Variants in UCK2 observed in about 807,000 individuals in gnomAD.
The protein encoded by UCK2 is uridine-cytidine kinase 2, also known as cytidine monophosphokinase 2.
UCK2 carries 6 observed loss-of-function variants against 30.8 expected under a neutral mutation model. The observed-to-expected ratio is 0.19, with a 90% CI of 0.11 to 0.38. The LOEUF (loss-of-function observed/expected upper bound fraction) is 0.38, where lower values mean the gene tolerates loss of function less well. UCK2 is among the 10% of genes least tolerant of loss of function. The probability of loss-of-function intolerance (pLI) is 1.00; values close to 1 mark genes in which losing one functional copy is unlikely to be tolerated. For missense variants in UCK2, 210 were observed against 339.8 expected, an observed-to-expected ratio of 0.62 and a Z score of 3.00; for synonymous variants, 125 against 133.6, an observed-to-expected ratio of 0.94 and a Z score of 0.45.
intron 4 of UCK2, chr1:165,902,825 G>C (rs745972573): frequency 1.2e-4 from 22 of 178,202 alleles, no homozygotes; most frequent in Non-Finnish European, 2.7e-4. Context: ...GGCCCAGATT[G>C]CTTCTTGTTA....
rs554501076 is a variant in UCK2, at chr1:165,864,741, A to G, written c.100-25463A>G. On this transcript the variant is annotated intron_variant, in intron 1 of 6. Coordinates refer to ENST00000367879, the MANE Select transcript of UCK2 (RefSeq NM_012474.5). ...TTCACTCAGGCTGGAGTTCATTGGCATGATCATAGCTCACTGCAGCCCCGA... is the reference window on the plus strand; with the variant it reads ...TTCACTCAGGCTGGAGTTCATTGGCGTGATCATAGCTCACTGCAGCCCCGA... Among the ~76,000 whole-genome samples, 50 of 152,246 alleles carry G rather than the reference A, an allele frequency of 3.3e-4. 1 individual carries two copies. The highest frequency in any genetic ancestry group is 3.4e-3 in the Middle Eastern group (1 of 294).
rs145574933 is a variant in UCK2 at position 165,903,675 on chromosome 1, C to A, written c.597+396C>A. The stretch of plus-strand genomic sequence containing the variant: ...GGGTGACGTATGGATGCACTGGGTG[C>A]TGTGCCCCGAGATGTTCCCCTCTGA... On this transcript the variant is annotated intron_variant, in intron 5 of 6. Transcript: ENST00000367879. 3.1e-3 allele frequency among the ~76,000 whole-genome samples: 467 copies of A among 152,322 alleles called. 11 individuals carry two copies. Among genetic ancestry groups the A allele is most frequent in the Admixed American group, 0.027 (410 of 15,306 alleles).
intron 6 of UCK2, among the ~76,000 whole-genome samples, chr1:165,906,741 T>C (rs796976922): frequency 2.2e-4 from 34 of 152,300 alleles, no homozygotes; most frequent in African/African-American, 7.5e-4. Flanking sequence ...TGTGGCAGAG[T>C]TGATCTGTAA....
chr1:165,907,906 C>G lies in UCK2; in HGVS notation c.*83C>G, dbSNP rs781479282. On this transcript the variant is annotated 3_prime_UTR_variant, in exon 7 of 7. Coordinates refer to ENST00000367879, the MANE Select transcript of UCK2 (RefSeq NM_012474.5). ...CACTGCTCATCTGTACATACTGTTT[C>G]CTATGACATTACTGTATTTAAGAAA... 16 of 1,496,202 alleles carry G rather than the reference C, an allele frequency of 1.1e-5. No individual in the cohort carries two copies. The South Asian group carries it at 2.0e-4, about 19-fold the overall frequency. The allele number at this position is 1,496,202 out of a possible 1,614,324, so 92.7% of individuals were successfully genotyped here.
intron 1 of UCK2, among the ~76,000 whole-genome samples, chr1:165,832,528 C>G (rs768926774): frequency 2.6e-5 from 4 of 152,116 alleles, no homozygotes; most frequent in Non-Finnish European, 5.9e-5. Context: ...ATGTGTCTTC[C>G]CTACTGGTAG....
chr1:165,878,177 T>A (rs1655387663), intron 1 of UCK2, among the ~76,000 whole-genome samples: 1 of 152,166 alleles, frequency 6.6e-6, no homozygotes, highest in Admixed American at 6.5e-5. Flanking sequence ...CCACTGATCT[T>A]TTTGTTGTCC....
chr1:165,893,034 A>G lies in UCK2; in HGVS notation c.356+1712A>G, dbSNP rs115493931. ...GCAATAGGGAGCTACAGACGGGTCT[A>G]TTGTTGTAGTGGAAAGGTCATTGTG... On this transcript the variant is annotated intron_variant, in intron 3 of 6. Transcript: ENST00000367879. Among the ~76,000 whole-genome samples the G allele has an allele frequency of 4.9e-3, 742 of 152,260 alleles. 7 individuals carry two copies. The highest frequency in any genetic ancestry group is 0.017 in the African/African-American group (701 of 41,552).
At chr1:165,879,168 T>C (rs1171493374) in intron 1 of UCK2, among the ~76,000 whole-genome samples, 2 of 152,244 alleles carry the variant, frequency 1.3e-5, no homozygotes, top group East Asian at 1.9e-4. Flanking sequence ...TGTTTCTTAT[T>C]GTCGAATTTT....
At chr1:165,828,929 C>G (rs1456053541) in intron 1 of UCK2, among the ~76,000 whole-genome samples, 2 of 152,118 alleles carry the variant, frequency 1.3e-5, no homozygotes, top group Non-Finnish European at 2.9e-5. Context: ...ATCCTGAGAG[C>G]TGGGTGCTGG....
chr1:165,895,586 G>A (rs533702767), intron 3 of UCK2: 5 of 985,450 alleles, frequency 5.1e-6, no homozygotes, highest in Non-Finnish European at 6.0e-6. Context: ...TTGGTTTGGG[G>A]TAGAGCCAGA....
At chr1:165,905,490 A>C (rs1437604194) in intron 5 of UCK2, among the ~76,000 whole-genome samples, 1 of 152,118 alleles carries the variant, frequency 6.6e-6, no homozygotes, top group Non-Finnish European at 1.5e-5. Context: ...TCTTAAAAAA[A>C]AAAGAGAGAG....
chr1:165,843,497 C>A (rs1654378195), intron 1 of UCK2, among the ~76,000 whole-genome samples: 1 of 152,092 alleles, frequency 6.6e-6, no homozygotes, highest in South Asian at 2.1e-4. Flanking sequence ...ATTGATGACT[C>A]AATGCCTGAT....
At chr1:165,827,981 G>T in intron 1 of UCK2, 49 bp downstream of exon 1, 2 of 1,244,922 alleles carry the variant, frequency 1.6e-6, no homozygotes, top group Non-Finnish European at 2.0e-6. Flanking sequence ...CTGTCCCTGG[G>T]CGGCGCATGT....
Position 165,908,095 on chromosome 1 carries a change from A to C in UCK2, c.*272A>C. 1 of 288,732 alleles carries C rather than the reference A, an allele frequency of 3.5e-6. No individual in the cohort carries two copies. The highest frequency in any genetic ancestry group is 7.7e-5 in the South Asian group (1 of 12,944). The allele number at this position is 288,732 out of a possible 1,614,324, so 17.9% of individuals were successfully genotyped here. A position where few individuals can be genotyped will look rare whatever the true frequency, so the allele number is the denominator to read the frequency against. On this transcript the variant is annotated 3_prime_UTR_variant, in exon 7 of 7. Transcript: ENST00000367879. The stretch of plus-strand genomic sequence containing the variant: ...CGTGTAACCAGTTATAAATACATAT[A>C]TATATAAAAAAGGATCTATTTTTGT...
chr1:165,842,358 G>A lies in UCK2; in HGVS notation c.99+14426G>A, dbSNP rs532608699. On this transcript the variant is annotated intron_variant, in intron 1 of 6. Coordinates refer to ENST00000367879, the MANE Select transcript of UCK2 (RefSeq NM_012474.5). The stretch of plus-strand genomic sequence containing the variant: ...GGGCTTCTTTCTCATTTATTCAGCT[G>A]TCACTGGGCATTTCCACATCATGTT... Among the ~76,000 whole-genome samples, 4 of 152,200 alleles carry A rather than the reference G, an allele frequency of 2.6e-5. No individual in the cohort carries two copies. The South Asian group carries it at 8.3e-4, about 32-fold the overall frequency.
intron 1 of UCK2, among the ~76,000 whole-genome samples, chr1:165,842,090 T>C (rs1243317615): frequency 6.6e-6 from 1 of 152,204 alleles, no homozygotes; most frequent in African/African-American, 2.4e-5. Context: ...CCTTGACTTT[T>C]CTGTAACACT....
chr1:165,899,590 G>A (rs1034680649), intron 4 of UCK2, among the ~76,000 whole-genome samples: 10 of 152,228 alleles, frequency 6.6e-5, no homozygotes, highest in Non-Finnish European at 1.3e-4. Context: ...AAGGGCTGAC[G>A]TGGAAGCCCA....
chr1:165,852,975 G>C (rs1354972884), intron 1 of UCK2, among the ~76,000 whole-genome samples: 2 of 152,166 alleles, frequency 1.3e-5, no homozygotes, highest in African/African-American at 4.8e-5. Flanking sequence ...TCCCTCTCTT[G>C]GTGCCCTGGC....
intron 1 of UCK2, among the ~76,000 whole-genome samples, chr1:165,830,591 C>T (rs1317832916): frequency 6.6e-6 from 1 of 151,270 alleles, no homozygotes; most frequent in East Asian, 2.0e-4. Flanking sequence ...TCCCAAAGTG[C>T]TGGGATTACA....
Sources: gnomAD v4.1 joint callset for allele counts (sites outside exome capture counted in the v4.1 genomes callset) on GRCh38, gnomAD v4.1.1 for gene constraint, MANE v1.5 for transcripts, NCBI Gene and HGNC (gene_info 2026-07-23, HGNC 2026-07-21) for gene names.